Variants in HDAC5 observed in about 807,000 individuals in gnomAD.
HDAC5 encodes the protein histone deacetylase 5.
Under a neutral mutation model 133.3 loss-of-function variants are expected in HDAC5, and 25 were observed. The ratio of observed to expected loss-of-function variants is 0.19; its 90% CI spans 0.14 to 0.26. The LOEUF (loss-of-function observed/expected upper bound fraction) is 0.26, where lower values mean the gene tolerates loss of function less well. HDAC5 is among the 10% of genes least tolerant of loss of function. The pLI is 1.00. For synonymous variants in HDAC5, 589 were observed against 610.8 expected (o/e 0.96, Z 0.53); for missense variants, 1,041 against 1,460.5 (o/e 0.71, Z 4.68).
chr17:44,078,181 C>T lies in HDAC5; in HGVS notation c.*195G>A, dbSNP rs1310745524. The T allele has an allele frequency of 1.9e-6, 1 of 519,642 alleles. No individual in the cohort carries two copies. Among genetic ancestry groups the T allele is most frequent in the Non-Finnish European group, 3.3e-6 (1 of 300,326 alleles). The allele number at this position is 519,642 out of a possible 1,614,324, so 32.2% of individuals were successfully genotyped here. ...CAGGGCTGGGAAGACACCACCACCC[C>T]CTGCAGAGGGAGCAGGCTTCTAGAG... On this transcript the variant is annotated 3_prime_UTR_variant, in exon 27 of 27. Transcript: ENST00000682912.
rs541872459 is a variant in HDAC5 at position 44,100,829 on chromosome 17, G to A, written c.95-6995C>T. On this transcript the variant is annotated intron_variant, in intron 3 of 26. Transcript: ENST00000682912. ...TTTGGAGACGGAGTCTCGCTCTGTC[G>A]CCAGGCTGGAGTGCAGTGGCGTGAT... Among the ~76,000 whole-genome samples the A allele has an allele frequency of 1.8e-4, 27 of 149,388 alleles. No individual in the cohort carries two copies. The East Asian group carries it at 5.4e-3, about 30-fold the overall frequency.
intron 3 of HDAC5, among the ~76,000 whole-genome samples, chr17:44,109,885 G>A (rs1479695695): frequency 6.6e-6 from 1 of 152,276 alleles, no homozygotes; most frequent in Non-Finnish European, 1.5e-5. Context: ...GAAGCATCTT[G>A]TGGTGCCGGC....
Position 44,078,258 on chromosome 17 carries a change from A to T in HDAC5, c.*118T>A. 1 of 1,084,148 alleles carries T rather than the reference A, an allele frequency of 9.2e-7. No individual in the cohort carries two copies. The highest frequency in any genetic ancestry group is 3.1e-5 in the Admixed American group (1 of 32,216). 67.2% of individuals were successfully genotyped at this position (1,084,148 alleles called of 1,614,324 possible). On this transcript the variant is annotated 3_prime_UTR_variant, in exon 27 of 27. Transcript: ENST00000682912. Reference sequence around the variant, plus strand: ...GCCTGAGGCAGCGTAGAGGAGCAGGAGGGGCAAGGCTGAGAGACCCACACG... The same window carrying T: ...GCCTGAGGCAGCGTAGAGGAGCAGGTGGGGCAAGGCTGAGAGACCCACACG...
Position 44,117,273 on chromosome 17 carries a change from G to A in HDAC5, c.22+221C>T, listed in dbSNP as rs1169008535. On this transcript the variant is annotated intron_variant, in intron 2 of 26. Coordinates refer to ENST00000682912, the MANE Select transcript of HDAC5 (RefSeq NM_005474.5). This position sits in a 1 kb window ranked among gnomAD's most constrained non-coding sequence, Gnocchi z 4.2. ...GTTGAGAGGGCAAGCATGGGGGGCAGAGTAGGACCCATTGCCTTCCCAGGA... is the reference window on the plus strand; with the variant it reads ...GTTGAGAGGGCAAGCATGGGGGGCAAAGTAGGACCCATTGCCTTCCCAGGA... Among the ~76,000 whole-genome samples the A allele has an allele frequency of 6.6e-6, 1 of 152,192 alleles. No individual in the cohort carries two copies. Among genetic ancestry groups the A allele is most frequent in the Non-Finnish European group, 1.5e-5 (1 of 68,032 alleles).
At chr17:44,116,159 G>A (rs1428663812) in intron 2 of HDAC5, among the ~76,000 whole-genome samples, 2 of 152,240 alleles carry the variant, frequency 1.3e-5, no homozygotes, top group Non-Finnish European at 2.9e-5. Flanking sequence ...GGGAAGCAGG[G>A]ACTGCAGATG....
chr17:44,094,760 A>G (rs1464725439), intron 3 of HDAC5, among the ~76,000 whole-genome samples: 1 of 151,958 alleles, frequency 6.6e-6, no homozygotes, highest in Non-Finnish European at 1.5e-5. Flanking sequence ...GTGTGTATAT[A>G]TATATATACA....
intron 1 of HDAC5, chr17:44,123,273 G>A (rs1187212404): frequency 3.2e-6 from 1 of 310,700 alleles, no homozygotes; most frequent in African/African-American, 2.2e-5. Context: ...AGGCGCCCCT[G>A]TCTGGGAGGG....
At chr17:44,111,544 A>G in intron 2 of HDAC5, 2 of 503,668 alleles carry the variant, frequency 4.0e-6, no homozygotes, top group Admixed American at 2.0e-5. Context: ...ATGGAGACCA[A>G]GAAGCCAGAC....
chr17:44,079,359 A>G, intron 23 of HDAC5, 82 bp from the exon 24 acceptor site: 3 of 1,451,716 alleles, frequency 2.1e-6, no homozygotes, highest in Admixed American at 2.0e-5. Flanking sequence ...GAGAGAAAAA[A>G]GGCCAGGCGC....
intron 3 of HDAC5, among the ~76,000 whole-genome samples, chr17:44,104,068 C>T (rs1385288988): frequency 6.6e-6 from 1 of 151,578 alleles, no homozygotes; most frequent in Admixed American, 6.6e-5. Context: ...CACCTGTAAT[C>T]CCAGCACTTT....
intron 23 of HDAC5, 80 bp from the exon 24 acceptor site, chr17:44,079,357 A>T: frequency 4.8e-6 from 7 of 1,469,562 alleles, no homozygotes; most frequent in Non-Finnish European, 6.5e-6. Context: ...AGGAGAGAAA[A>T]AAGGCCAGGC....
intron 11 of HDAC5, among the ~76,000 whole-genome samples, chr17:44,090,405 C>T (rs139903284): frequency 1.3e-3 from 191 of 152,018 alleles, no homozygotes; most frequent in African/African-American, 4.3e-3. Flanking sequence ...GACAGAGTGT[C>T]GCTCTGTTGC....
At chr17:44,084,730 T>C in intron 15 of HDAC5, 55 bp from the exon 16 acceptor site, 1 of 1,597,188 alleles carries the variant, frequency 6.3e-7, no homozygotes, top group Non-Finnish European at 8.6e-7. Context: ...TCTCAGAGCC[T>C]CTCTGCCCCA....
At chr17:44,088,637 G>C in intron 11 of HDAC5, 39 bp from the exon 12 acceptor site, 2 of 1,590,542 alleles carry the variant, frequency 1.3e-6, no homozygotes, top group Non-Finnish European at 1.7e-6. Context: ...CCATTGTCAG[G>C]GCACCTGACT....
chr17:44,113,096 C>T (rs1483856563), intron 2 of HDAC5, among the ~76,000 whole-genome samples: 2 of 152,152 alleles, frequency 1.3e-5, no homozygotes, highest in East Asian at 1.9e-4. Context: ...CTCCCACCCA[C>T]GCTAGGAGTA....
chr17:44,084,510 CCT>C (rs756065715), intron 16 of HDAC5, 43 bp downstream of exon 16: 1 of 1,609,162 alleles, frequency 6.2e-7, no homozygotes, highest in African/African-American at 1.3e-5. Context: ...CCCATCCCAC[CCT>C]GACACTGAAC....
At chr17:44,114,863 G>A (rs1292090475) in intron 2 of HDAC5, among the ~76,000 whole-genome samples, 1 of 152,212 alleles carries the variant, frequency 6.6e-6, no homozygotes, top group Non-Finnish European at 1.5e-5. Context: ...TCAGGGAATG[G>A]TCTCAGGGAA....
At chr17:44,116,291 G>A (rs975254039) in intron 2 of HDAC5, among the ~76,000 whole-genome samples, 1 of 152,230 alleles carries the variant, frequency 6.6e-6, no homozygotes, top group Admixed American at 6.5e-5. Flanking sequence ...TGAGGACCCA[G>A]GCCTCTCCTT....
Position 44,078,318 on chromosome 17 carries a change from A to T in HDAC5, c.*58T>A. The stretch of plus-strand genomic sequence containing the variant: ...GTTGAATGTGTGACTTTTTGTTTTT[A>T]ATAGAAAAAATAAACAAAATCACAA... On this transcript the variant is annotated 3_prime_UTR_variant, in exon 27 of 27. Coordinates refer to ENST00000682912, the MANE Select transcript of HDAC5 (RefSeq NM_005474.5). 1 of 1,481,900 alleles carries T rather than the reference A, an allele frequency of 6.7e-7. No homozygotes were observed. The highest frequency in any genetic ancestry group is 9.0e-7 in the Non-Finnish European group (1 of 1,115,122). The allele number at this position is 1,481,900 out of a possible 1,614,324, so 91.8% of individuals were successfully genotyped here.
Sources: allele counts gnomAD v4.1 joint callset (sites outside exome capture counted in the v4.1 genomes callset), GRCh38; gene constraint gnomAD v4.1.1; non-coding constraint Gnocchi (gnomAD v3.1); transcripts MANE v1.5; gene names NCBI Gene and HGNC (gene_info 2026-07-23, HGNC 2026-07-21).